SLC44A1: variants seen among roughly 807,000 people sequenced by gnomAD.
SLC44A1 encodes the protein choline transporter-like protein 1.
A neutral mutation model predicts 79.3 loss-of-function variants in SLC44A1; 26 were observed. That is an observed-to-expected ratio of 0.33 (90% CI 0.24 to 0.46). SLC44A1 has a LOEUF of 0.46. Ranked by LOEUF, SLC44A1 falls within the 20% of genes least tolerant of loss-of-function variation. The pLI, the probability that SLC44A1 is intolerant of heterozygous loss-of-function variation, is 1.00. For synonymous variants in SLC44A1, 263 were observed against 286.2 expected, an observed-to-expected ratio of 0.92 and a Z score of 0.82; for missense variants, 688 against 798.1, an observed-to-expected ratio of 0.86 and a Z score of 1.66.
In SLC44A1 at chr9:105,358,963, G is replaced by A. The variant is rs151028005; in HGVS notation, c.760+530G>A. On this transcript the variant is annotated intron_variant, in intron 7 of 15. Coordinates refer to ENST00000374720, the MANE Select transcript of SLC44A1 (RefSeq NM_080546.5). Reference sequence around the variant, plus strand: ...GATGATATATGTTGAGTTCTTCCCTGCCTCCCTTAAATTTAACATAAACTT... The same window carrying A: ...GATGATATATGTTGAGTTCTTCCCTACCTCCCTTAAATTTAACATAAACTT... 2.0e-5 allele frequency among the ~76,000 whole-genome samples: 3 copies of A among 152,098 alleles called. No individual in the cohort carries two copies. The East Asian group carries it at 5.8e-4, about 29-fold the overall frequency.
chr9:105,330,618 C>T (rs1826720046), intron 3 of SLC44A1, among the ~76,000 whole-genome samples: 1 of 152,184 alleles, frequency 6.6e-6, no homozygotes, highest in East Asian at 1.9e-4. Context: ...AATGTCCCAC[C>T]TTTGTCTCGT....
At chr9:105,388,698 C>A (rs974913218) in intron 15 of SLC44A1, among the ~76,000 whole-genome samples, 2 of 151,912 alleles carry the variant, frequency 1.3e-5, no homozygotes, top group African/African-American at 2.4e-5. Context: ...GAAAAATGTA[C>A]CAAAAGTGAT....
chr9:105,414,424 A>C lies in SLC44A1; in HGVS notation c.1951-23857A>C, dbSNP rs566907314. On this transcript the variant is annotated intron_variant, in intron 15 of 15. Coordinates refer to the SLC44A1 transcript ENST00000374724. ...TTTTCATTAAAGTTCCTAAGAATGC[A>C]TGCTCCCTCAGCACCCCCTGGGTAA... Among the ~76,000 whole-genome samples the C allele has an allele frequency of 3.3e-5, 5 of 152,310 alleles. No homozygotes were observed. The East Asian group carries it at 9.6e-4, about 29-fold the overall frequency.
chr9:105,359,386 A>G (rs530092846), intron 7 of SLC44A1, among the ~76,000 whole-genome samples: 1 of 152,292 alleles, frequency 6.6e-6, no homozygotes, highest in Admixed American at 6.5e-5. Flanking sequence ...TGGAACAGAA[A>G]CAATAATCAA....
intron 1 of SLC44A1, among the ~76,000 whole-genome samples, chr9:105,277,385 A>G (rs1830232645): frequency 6.6e-6 from 1 of 152,180 alleles, no homozygotes; most frequent in African/African-American, 2.4e-5. Context: ...TAAACTTTTC[A>G]GTGTCTAAAT....
Position 105,345,121 on chromosome 9 carries a change from A to G in SLC44A1, c.407-3237A>G, listed in dbSNP as rs373879629. On this transcript the variant is annotated intron_variant, in intron 4 of 15. Coordinates refer to ENST00000374720, the MANE Select transcript of SLC44A1 (RefSeq NM_080546.5). ...ACTTCATCCTGAGGATAGAGATATGATATGACTAATCTGCATTGTACAAAG... is the reference window on the plus strand; with the variant it reads ...ACTTCATCCTGAGGATAGAGATATGGTATGACTAATCTGCATTGTACAAAG... Among the ~76,000 whole-genome samples the G allele has an allele frequency of 2.4e-4, 36 of 152,296 alleles. 1 individual carries two copies. The highest frequency in any genetic ancestry group is 8.7e-4 in the African/African-American group (36 of 41,558).
chr9:105,280,587 A>G, intron 1 of SLC44A1, among the ~76,000 whole-genome samples: 1 of 152,236 alleles, frequency 6.6e-6, no homozygotes, highest in Non-Finnish European at 1.5e-5. Context: ...ATGAAACCAT[A>G]AACAGGTATT....
rs139580101 is a variant in SLC44A1, at chr9:105,362,874, C to T, written c.954C>T (p.Ile318=). 8.1e-6 allele frequency: 13 copies of T among 1,613,168 alleles called. No homozygotes were observed. The Admixed American group carries it at 1.2e-4, about 15-fold the overall frequency. ...TGCGCAAACGTGTTGCTCTTACCAT[C>T]GCCTTGTTCCACGTAGCTGGCAAGG... ...LVMRKRVALT[I]ALFHVAGKVF... The change falls in exon 9 of 16, where the codon ATC becomes ATT. Residue 318 remains isoleucine (I), a synonymous_variant. Transcript: ENST00000374720.
At chr9:105,386,081 CAGTA>C in intron 15 of SLC44A1, 1 of 985,252 alleles carries the variant, frequency 1.0e-6, no homozygotes, top group South Asian at 4.7e-5. Context: ...CATTCCCACT[CAGTA>C]AGACAATCTA....
At chr9:105,279,645 T>A (rs1830304251) in intron 1 of SLC44A1, among the ~76,000 whole-genome samples, 1 of 152,184 alleles carries the variant, frequency 6.6e-6, no homozygotes, top group African/African-American at 2.4e-5. Flanking sequence ...TAAGATCCAC[T>A]GTCTTAAACC....
intron 15 of SLC44A1, among the ~76,000 whole-genome samples, chr9:105,409,940 A>G (rs2131505875): frequency 6.6e-6 from 1 of 152,234 alleles, no homozygotes; most frequent in East Asian, 1.9e-4. Context: ...TCTCAAGGCT[A>G]AACCATGTTA....
At chr9:105,397,820 C>A (rs1815382), downstream of SLC44A1, among the ~76,000 whole-genome samples, 118,216 of 151,972 alleles carry the variant, frequency 0.78, 48,301 homozygotes, top group East Asian at 1. Context: ...TGGTGGCGGG[C>A]GCCTGTAGTC....
intron 15 of SLC44A1, among the ~76,000 whole-genome samples, chr9:105,437,077 G>C (rs549868390): frequency 6.6e-6 from 1 of 152,120 alleles, no homozygotes; most frequent in Non-Finnish European, 1.5e-5. Flanking sequence ...TAATCAAACT[G>C]AGCCGGCCCT....
rs376119344 is a variant in SLC44A1 at position 105,383,116 on chromosome 9, G to T, written c.1633-7G>T. On this transcript the variant is annotated splice_region_variant and splice_polypyrimidine_tract_variant and intron_variant, in intron 13 of 15. Coordinates refer to ENST00000374720, the MANE Select transcript of SLC44A1 (RefSeq NM_080546.5). ...ATTAAATATGATCTTTGTTCTCTCT[G>T]CTTCAGGTGCTGATAGTCTGCAGCA... 1 of 1,595,216 alleles carries T rather than the reference G, an allele frequency of 6.3e-7. No homozygotes were observed. Among genetic ancestry groups the T allele is most frequent in the Admixed American group, 1.7e-5 (1 of 59,930 alleles).
chr9:105,326,476 A>AGT (rs1453050580), intron 3 of SLC44A1, among the ~76,000 whole-genome samples: 3 of 152,194 alleles, frequency 2.0e-5, no homozygotes, highest in Non-Finnish European at 2.9e-5. Context: ...CCTCCATGGT[A>AGT]CATGGATAAG....
At chr9:105,300,304 C>G (rs769903139) in intron 2 of SLC44A1, among the ~76,000 whole-genome samples, 13 of 152,142 alleles carry the variant, frequency 8.5e-5, no homozygotes, top group Non-Finnish European at 1.5e-4. Flanking sequence ...CATTATTGCT[C>G]TCTCTTTCTT....
chr9:105,319,611 A>G (rs1026250475), intron 3 of SLC44A1, among the ~76,000 whole-genome samples: 1 of 152,012 alleles, frequency 6.6e-6, no homozygotes, highest in Non-Finnish European at 1.5e-5. Flanking sequence ...AGGGTGGTCG[A>G]CGCCCACCCT....
chr9:105,278,371 C>T (rs1830262621), intron 1 of SLC44A1, among the ~76,000 whole-genome samples: 1 of 152,206 alleles, frequency 6.6e-6, no homozygotes, highest in African/African-American at 2.4e-5. Flanking sequence ...GCCTCAGCCT[C>T]CCGAGTAGCT....
intron 15 of SLC44A1, among the ~76,000 whole-genome samples, chr9:105,422,680 G>A (rs1315350411): frequency 2.0e-5 from 3 of 152,128 alleles, no homozygotes; most frequent in Non-Finnish European, 4.4e-5. Flanking sequence ...CTAATTAGAG[G>A]GCCAAATTTG....
Sources: allele counts gnomAD v4.1 joint callset (sites outside exome capture counted in the v4.1 genomes callset), GRCh38; gene constraint gnomAD v4.1.1; transcripts MANE v1.5; gene names NCBI Gene and HGNC (gene_info 2026-07-23, HGNC 2026-07-21).